Variants in ZDHHC14 observed in about 807,000 individuals in gnomAD.
ZDHHC14 encodes zDHHC palmitoyltransferase 14.
In ZDHHC14, 16 loss-of-function variants were observed where a neutral mutation model predicts 47.7. The observed-to-expected ratio is 0.34, with a 90% CI of 0.23 to 0.51. The LOEUF is 0.51. Ranked by LOEUF, ZDHHC14 falls within the 20% of genes least tolerant of loss-of-function variation. The probability of loss-of-function intolerance (pLI) is 0.97; values close to 1 mark genes in which losing one functional copy is unlikely to be tolerated. For missense variants in ZDHHC14, 515 were observed against 662.5 expected (o/e 0.78, Z 2.44); for synonymous variants, 293 against 278.9 (o/e 1.05, Z -0.50).
At chr6:157,572,905 G>A (rs911236297) in intron 2 of ZDHHC14, among the ~76,000 whole-genome samples, 1 of 151,736 alleles carries the variant, frequency 6.6e-6, no homozygotes, top group Non-Finnish European at 1.5e-5. Context: ...TTTTTCCCCC[G>A]TCAATTCCTT....
intron 1 of ZDHHC14, among the ~76,000 whole-genome samples, chr6:157,397,705 T>C (rs1777550295): frequency 6.6e-6 from 1 of 152,104 alleles, no homozygotes; most frequent in Admixed American, 6.6e-5. Context: ...TGTGGATGTT[T>C]TTGGGGGAAC....
At chr6:157,400,686 T>G (rs1777618100) in intron 1 of ZDHHC14, among the ~76,000 whole-genome samples, 1 of 152,200 alleles carries the variant, frequency 6.6e-6, no homozygotes, top group South Asian at 2.1e-4. Context: ...CGTACTCTTG[T>G]GTTCACCCTG....
rs541829614 is a variant in ZDHHC14, at chr6:157,515,995, C to G, written c.246-26590C>G. Among the ~76,000 whole-genome samples, 8 of 152,276 alleles carry G rather than the reference C, an allele frequency of 5.3e-5. No individual in the cohort carries two copies. In the East Asian group the frequency reaches 1.4e-3, roughly 26 times the overall value. On this transcript the variant is annotated intron_variant, in intron 1 of 8. Coordinates refer to ENST00000359775, the MANE Select transcript of ZDHHC14 (RefSeq NM_024630.3). ...AGGCAAGGCGTGAAATAGAACACTA[C>G]CAGGACCCAAGTCCCCTGTGTGCCC... is the stretch of plus-strand genomic sequence containing the variant.
At chr6:157,532,729 C>G (rs752614432) in intron 1 of ZDHHC14, among the ~76,000 whole-genome samples, 1 of 152,204 alleles carries the variant, frequency 6.6e-6, no homozygotes, top group Non-Finnish European at 1.5e-5. Context: ...GTATGATCCT[C>G]CATACCCCAA....
At chr6:157,451,732 T>C (rs1778808249) in intron 1 of ZDHHC14, among the ~76,000 whole-genome samples, 1 of 152,154 alleles carries the variant, frequency 6.6e-6, no homozygotes, top group African/African-American at 2.4e-5. Flanking sequence ...GGCTAATTTT[T>C]GTATTTTTAG....
intron 1 of ZDHHC14, among the ~76,000 whole-genome samples, chr6:157,399,465 G>T (rs1006952994): frequency 6.6e-6 from 1 of 152,180 alleles, no homozygotes; most frequent in Non-Finnish European, 1.5e-5. Context: ...CTTCGGGCGG[G>T]CTTAGGTCTC....
intron 2 of ZDHHC14, among the ~76,000 whole-genome samples, chr6:157,554,034 TAGAC>T (rs1562478194): frequency 6.6e-6 from 1 of 152,200 alleles, no homozygotes; most frequent in African/African-American, 2.4e-5. Flanking sequence ...CTGACATAGA[TAGAC>T]AGAAGCGAAC....
At chr6:157,442,317 A>C (rs1056808874) in intron 1 of ZDHHC14, among the ~76,000 whole-genome samples, 2 of 152,212 alleles carry the variant, frequency 1.3e-5, no homozygotes, top group Non-Finnish European at 2.9e-5. Context: ...CCGGAGGTCA[A>C]GTCTGCAGTG....
At chr6:157,408,396 C>A (rs1463405301) in intron 1 of ZDHHC14, among the ~76,000 whole-genome samples, 1 of 152,022 alleles carries the variant, frequency 6.6e-6, no homozygotes, top group Non-Finnish European at 1.5e-5. Context: ...GACAGATCAA[C>A]CCATCACCTA....
intron 1 of ZDHHC14, among the ~76,000 whole-genome samples, chr6:157,459,728 G>A (rs1369636074): frequency 6.6e-6 from 1 of 152,070 alleles, no homozygotes; most frequent in Non-Finnish European, 1.5e-5. Flanking sequence ...TGAGCAAGGT[G>A]TCCACTTCAT....
intron 1 of ZDHHC14, among the ~76,000 whole-genome samples, chr6:157,494,433 C>G (rs1034157465): frequency 3.9e-5 from 6 of 152,316 alleles, no homozygotes; most frequent in Non-Finnish European, 8.8e-5. Context: ...GATCTCTGGT[C>G]TGGAGAGGTA....
intron 2 of ZDHHC14, 122 bp downstream of exon 2, chr6:157,542,867 G>C (rs925866029): frequency 7.9e-7 from 1 of 1,260,766 alleles, no homozygotes; most frequent in Middle Eastern, 2.7e-4. Flanking sequence ...GAGGCCAGAA[G>C]TCAGCGTTCC....
Position 157,675,649 on chromosome 6 carries a change from G to A in ZDHHC14, c.*2527G>A, listed in dbSNP as rs1778958239. ...GAGGAATGAGCGATGATGCCCCCTGGGGCGCCCACTTCTGTTTGTCAGGAG... is the reference window on the plus strand; with the variant it reads ...GAGGAATGAGCGATGATGCCCCCTGAGGCGCCCACTTCTGTTTGTCAGGAG... On this transcript the variant is annotated 3_prime_UTR_variant, in exon 9 of 9. Coordinates refer to ENST00000359775, the MANE Select transcript of ZDHHC14 (RefSeq NM_024630.3). The A allele has an allele frequency of 6.6e-6, 1 of 152,230 alleles. No individual in the cohort carries two copies. The highest frequency in any genetic ancestry group is 2.1e-4 in the South Asian group (1 of 4,830). The allele number at this position is 152,230 out of a possible 1,614,324, so 9.4% of individuals were successfully genotyped here. A position where few individuals can be genotyped will look rare whatever the true frequency, so the allele number is the denominator to read the frequency against.
At chr6:157,409,892 G>A (rs912175033) in intron 1 of ZDHHC14, among the ~76,000 whole-genome samples, 5 of 151,914 alleles carry the variant, frequency 3.3e-5, no homozygotes, top group Non-Finnish European at 5.9e-5. Flanking sequence ...GCAGTGGCGC[G>A]ATCTCGGCTC....
intron 1 of ZDHHC14, among the ~76,000 whole-genome samples, chr6:157,416,474 G>A (rs1377437809): frequency 6.6e-6 from 1 of 151,746 alleles, no homozygotes; most frequent in Non-Finnish European, 1.5e-5. Context: ...GCCAGCCTGG[G>A]CAACACGGTG....
rs144814269 is a variant in ZDHHC14, at chr6:157,662,236, C to T, written c.1068+8609C>T. Among the ~76,000 whole-genome samples, 1,173 of 152,210 alleles carry T rather than the reference C, an allele frequency of 7.7e-3. 21 individuals carry two copies. Among genetic ancestry groups the T allele is most frequent in the African/African-American group, 0.027 (1,103 of 41,524 alleles). ...TCACTCTGTCGCCCAGGCTGTAGTG[C>T]GGTAGCACGATCTCTGCTCACTGCA... On this transcript the variant is annotated intron_variant, in intron 8 of 8. Transcript: ENST00000359775.
intron 1 of ZDHHC14, among the ~76,000 whole-genome samples, chr6:157,520,080 C>T (rs1780860966): frequency 6.6e-6 from 1 of 152,186 alleles, no homozygotes; most frequent in Non-Finnish European, 1.5e-5. Context: ...GGGTGCCCCC[C>T]AGATCTAAAG....
intron 8 of ZDHHC14, among the ~76,000 whole-genome samples, chr6:157,664,385 G>A (rs1778466778): frequency 6.6e-6 from 1 of 152,166 alleles, no homozygotes; most frequent in Non-Finnish European, 1.5e-5. Flanking sequence ...TAGATATGTG[G>A]TATAGAGACT....
At chr6:157,481,418 C>T (rs1779628114) in intron 1 of ZDHHC14, among the ~76,000 whole-genome samples, 1 of 150,212 alleles carries the variant, frequency 6.7e-6, no homozygotes, top group Admixed American at 6.6e-5. Flanking sequence ...GGTGATGCGA[C>T]TGGTTGTACA....
Sources: allele counts gnomAD v4.1 joint callset (sites outside exome capture counted in the v4.1 genomes callset), GRCh38; gene constraint gnomAD v4.1.1; transcripts MANE v1.5; gene names NCBI Gene and HGNC (gene_info 2026-07-23, HGNC 2026-07-21).